LHCGR: variants seen among roughly 807,000 people sequenced by gnomAD.
LHCGR encodes the protein luteinizing hormone/choriogonadotropin receptor.
LHCGR carries 55 observed loss-of-function variants against 60.7 expected under a neutral mutation model. The ratio of observed to expected loss-of-function variants is 0.91; its 90% CI spans 0.73 to 1.13. The LOEUF (loss-of-function observed/expected upper bound fraction) is 1.13, where lower values mean the gene tolerates loss of function less well. Among genes scored for constraint, LHCGR ranks in the 50% most tolerant of loss-of-function variants. LHCGR has a pLI of 0.00. For missense variants in LHCGR, 862 were observed against 836.0 expected (o/e 1.03, Z -0.38); for synonymous variants, 337 against 316.5 (o/e 1.06, Z -0.69).
chr2:48,717,962 G>A (rs1282704144), intron 6 of LHCGR, among the ~76,000 whole-genome samples: 1 of 148,828 alleles, frequency 6.7e-6, no homozygotes, highest in Non-Finnish European at 1.5e-5. Context: ...AGAATGTGCT[G>A]CCTTGTTGTG....
chr2:48,705,724 T>A (rs1667630921), intron 8 of LHCGR, among the ~76,000 whole-genome samples: 1 of 152,164 alleles, frequency 6.6e-6, no homozygotes, highest in Non-Finnish European at 1.5e-5. Context: ...CCTGCTTTTT[T>A]TTTTTGCTTT....
chr2:48,752,984 G>GGGT (rs1553400353), intron 1 of LHCGR, among the ~76,000 whole-genome samples: 2 of 94,104 alleles, frequency 2.1e-5, no homozygotes, highest in African/African-American at 4.4e-5. Context: ...ATTTTGGCGG[G>GGGT]GGGGGGGGGG....
At chr2:48,737,158 A>C (rs1669237038) in intron 1 of LHCGR, among the ~76,000 whole-genome samples, 1 of 152,198 alleles carries the variant, frequency 6.6e-6, no homozygotes, top group Admixed American at 6.5e-5. Flanking sequence ...CACATGGCAG[A>C]AGTGAAGTGT....
In LHCGR at chr2:48,698,781, AT is replaced by A; in HGVS notation, c.699del (p.Lys233AsnfsTer10). The A allele has an allele frequency of 6.2e-7, 1 of 1,613,748 alleles. No homozygotes were observed. The highest frequency in any genetic ancestry group is 1.1e-5 in the South Asian group (1 of 91,072). Reference sequence around the variant, plus strand: ...AGGCCATAGCTCGGCAGGGCCTGCAATTTGGTGGAAGAAATATCCCTGAACA... The same window carrying A: ...AGGCCATAGCTCGGCAGGGCCTGCAATTGGTGGAAGAAATATCCCTGAACA... ...GPKTLDISST[K>X]LQALPSYGLE... On this transcript the variant is annotated frameshift_variant, in exon 9 of 11. Transcript: ENST00000294954. LOFTEE classifies it high-confidence loss of function.
At chr2:48,697,769 G>T (rs2104389747) in intron 9 of LHCGR, among the ~76,000 whole-genome samples, 1 of 152,270 alleles carries the variant, frequency 6.6e-6, no homozygotes, top group East Asian at 1.9e-4. Context: ...ACTGTGAGTT[G>T]TGTGACCCAT....
At chr2:48,749,861 T>G (rs1157049617) in intron 1 of LHCGR, among the ~76,000 whole-genome samples, 2 of 152,168 alleles carry the variant, frequency 1.3e-5, no homozygotes, top group East Asian at 3.8e-4. Flanking sequence ...TGTTGCTTGT[T>G]TTTTAGTGTC....
intron 1 of LHCGR, among the ~76,000 whole-genome samples, chr2:48,740,628 G>T (rs1049866372): frequency 1.3e-5 from 2 of 151,530 alleles, no homozygotes; most frequent in African/African-American, 4.9e-5. Context: ...TGCAGCTGAG[G>T]GTCCTGTCTG....
At chr2:48,739,221 G>A (rs1028346953) in intron 1 of LHCGR, among the ~76,000 whole-genome samples, 1 of 152,194 alleles carries the variant, frequency 6.6e-6, no homozygotes, top group East Asian at 1.9e-4. Flanking sequence ...GTGGGACTGT[G>A]AACTAGTTCA....
At position 48,734,234 on chromosome 2, in the gene LHCGR, A is replaced by T. The variant is rs149072519; in HGVS notation, c.162-2936T>A. On this transcript the variant is annotated intron_variant, in intron 1 of 10. Coordinates refer to ENST00000294954, the MANE Select transcript of LHCGR (RefSeq NM_000233.4). Reference sequence around the variant, plus strand: ...GCATGGGTGGATCTTCAAATCATGGAACTGAGAGAAACAAGAAATTACGGA... The same window carrying T: ...GCATGGGTGGATCTTCAAATCATGGTACTGAGAGAAACAAGAAATTACGGA... Among the ~76,000 whole-genome samples the T allele has an allele frequency of 5.8e-3, 881 of 152,304 alleles. 4 individuals are homozygous for T. The highest frequency in any genetic ancestry group is 9.1e-3 in the Non-Finnish European group (620 of 68,020).
At chr2:48,741,429 G>T (rs1669446255) in intron 1 of LHCGR, among the ~76,000 whole-genome samples, 1 of 145,430 alleles carries the variant, frequency 6.9e-6, no homozygotes. Context: ...AAATGTTAAG[G>T]ACAGCCAGAG....
intron 1 of LHCGR, among the ~76,000 whole-genome samples, chr2:48,751,530 G>T (rs887102261): frequency 2.0e-5 from 3 of 152,132 alleles, no homozygotes; most frequent in Non-Finnish European, 4.4e-5. Flanking sequence ...ATTCCTTAGA[G>T]CCTTGTTGTC....
rs550137057 is a variant in LHCGR at position 48,708,876 on chromosome 2, G to A, written c.680+72C>T. The stretch of plus-strand genomic sequence containing the variant: ...TCTCACATATCAGCTTGGGGATGAT[G>A]TGGAGGGACACCCTAAGCAGTCCTG... On this transcript the variant is annotated intron_variant, in intron 8 of 10. Transcript: ENST00000294954. The A allele has an allele frequency of 2.1e-5, 24 of 1,148,634 alleles. No individual in the cohort carries two copies. In the African/African-American group the frequency reaches 3.0e-4, roughly 14 times the overall value. 71.2% of individuals were successfully genotyped at this position (1,148,634 alleles called of 1,614,324 possible). A position where few individuals can be genotyped will look rare whatever the true frequency, so the allele number is the denominator to read the frequency against.
chr2:48,689,595 G>C (rs1363946677), intron 10 of LHCGR, among the ~76,000 whole-genome samples: 4 of 152,130 alleles, frequency 2.6e-5, no homozygotes, highest in Non-Finnish European at 5.9e-5. Context: ...GCTCTTTAGG[G>C]GTATGAGTCA....
chr2:48,687,931 C>G lies in LHCGR; in HGVS notation c.1866G>C (p.Leu622=), dbSNP rs1178701220. 6.2e-7 allele frequency: 1 copy of G among 1,613,942 alleles called. No individual in the cohort carries two copies. The highest frequency in any genetic ancestry group is 1.7e-5 in the Admixed American group (1 of 60,000). The change falls in exon 11 of 11, where the codon CTG becomes CTC. Residue 622 remains leucine, a synonymous_variant. Transcript: ENST00000294954. ...GGAATGTCTTAGTGAATATTGCATA[C>G]AGAAATGGATTGGCACAAGAATTGA... ...YPINSCANPF[L]YAIFTKTFQR...
Position 48,745,032 on chromosome 2 carries a change from G to A in LHCGR, c.161+10479C>T, listed in dbSNP as rs538982259. Among the ~76,000 whole-genome samples the A allele has an allele frequency of 1.2e-3, 180 of 152,104 alleles. 3 individuals carry two copies. Among genetic ancestry groups the A allele is most frequent in the Middle Eastern group, 3.4e-3 (1 of 294 alleles). ...CAAACAACCCCATCAAAAAGTGGGCGAAGGACATGAACAGACACTTCTCAA... is the reference window on the plus strand; with the variant it reads ...CAAACAACCCCATCAAAAAGTGGGCAAAGGACATGAACAGACACTTCTCAA... On this transcript the variant is annotated intron_variant, in intron 1 of 10. Coordinates refer to ENST00000294954, the MANE Select transcript of LHCGR (RefSeq NM_000233.4).
At chr2:48,691,761 G>A (rs775218607) in intron 10 of LHCGR, among the ~76,000 whole-genome samples, 48 of 150,574 alleles carry the variant, frequency 3.2e-4, no homozygotes, top group Non-Finnish European at 6.5e-4. Context: ...CAGGAGAATC[G>A]CTTGAACTCG....
intron 1 of LHCGR, among the ~76,000 whole-genome samples, chr2:48,747,687 T>C (rs1669773323): frequency 6.7e-6 from 1 of 149,926 alleles, no homozygotes; most frequent in Non-Finnish European, 1.5e-5. Context: ...GAAAGCTCCC[T>C]GAGCAGCTTT....
At chr2:48,750,668 A>C (rs780787626) in intron 1 of LHCGR, among the ~76,000 whole-genome samples, 1 of 152,236 alleles carries the variant, frequency 6.6e-6, no homozygotes, top group South Asian at 2.1e-4. Context: ...CTATTCAGCT[A>C]TCTCAGTTTA....
At chr2:48,699,795 C>G (rs939220633) in intron 8 of LHCGR, among the ~76,000 whole-genome samples, 1 of 152,248 alleles carries the variant, frequency 6.6e-6, no homozygotes, top group African/African-American at 2.4e-5. Context: ...CAACAAGGTC[C>G]TGAACTCTTT....
Sources: allele counts gnomAD v4.1 joint callset (sites outside exome capture counted in the v4.1 genomes callset), GRCh38; gene constraint gnomAD v4.1.1; transcripts MANE v1.5; gene names NCBI Gene and HGNC (gene_info 2026-07-23, HGNC 2026-07-21).